AGBL1: variants seen among roughly 807,000 people sequenced by gnomAD.
AGBL1 encodes the protein cytosolic carboxypeptidase 4.
Under a neutral mutation model 118.9 loss-of-function variants are expected in AGBL1, and 130 were observed. The ratio of observed to expected loss-of-function variants is 1.09; its 90% CI spans 0.95 to 1.26. The LOEUF (loss-of-function observed/expected upper bound fraction) is 1.26, where lower values mean the gene tolerates loss of function less well. AGBL1 is among the 50% of genes most tolerant of loss of function. The probability of loss-of-function intolerance (pLI) is 0.00; values close to 1 mark genes in which losing one functional copy is unlikely to be tolerated. For synonymous variants in AGBL1, 555 were observed against 478.9 expected (o/e 1.16, Z -2.08); for missense variants, 1,584 against 1,298.1 (o/e 1.22, Z -3.38).
At chr15:86,851,700 T>C (rs2079408943) in intron 22 of AGBL1, among the ~76,000 whole-genome samples, 1 of 152,216 alleles carries the variant, frequency 6.6e-6, no homozygotes, top group South Asian at 2.1e-4. Flanking sequence ...GCATGGGCAG[T>C]AGCAGGAAAG....
At chr15:86,325,205 A>G (rs977221969) in intron 17 of AGBL1, among the ~76,000 whole-genome samples, 1 of 152,230 alleles carries the variant, frequency 6.6e-6, no homozygotes, top group Non-Finnish European at 1.5e-5. Flanking sequence ...AATAGTGTGG[A>G]CAAAAAATAA....
intron 19 of AGBL1, among the ~76,000 whole-genome samples, chr15:86,537,484 T>G (rs1158960617): frequency 6.6e-6 from 1 of 152,192 alleles, no homozygotes; most frequent in African/African-American, 2.4e-5. Flanking sequence ...ATTTAACTCT[T>G]GAGGAATCTT....
chr15:86,347,169 C>T (rs2080550860), intron 17 of AGBL1, among the ~76,000 whole-genome samples: 1 of 152,188 alleles, frequency 6.6e-6, no homozygotes, highest in African/African-American at 2.4e-5. Flanking sequence ...TTTTGTAACT[C>T]TTTTAGCTAG....
chr15:86,238,069 C>T (rs1405093150), intron 6 of AGBL1, among the ~76,000 whole-genome samples: 1 of 152,214 alleles, frequency 6.6e-6, no homozygotes, highest in East Asian at 1.9e-4. Flanking sequence ...ATGCCCCCTC[C>T]TCAAGGGTCT....
chr15:86,669,099 G>A (rs2085696259), intron 21 of AGBL1, among the ~76,000 whole-genome samples: 1 of 150,066 alleles, frequency 6.7e-6, no homozygotes, highest in South Asian at 2.1e-4. Context: ...AGACTTTAAT[G>A]TTAAAAAAAA....
chr15:86,746,306 A>G (rs901644296), intron 22 of AGBL1, among the ~76,000 whole-genome samples: 15 of 152,108 alleles, frequency 9.9e-5, no homozygotes, highest in African/African-American at 3.4e-4. Flanking sequence ...TTATTTCTTC[A>G]AACATGACAT....
chr15:86,352,565 T>A (rs2141903494), intron 17 of AGBL1, among the ~76,000 whole-genome samples: 1 of 152,104 alleles, frequency 6.6e-6, no homozygotes, highest in South Asian at 2.1e-4. Context: ...CACTGCAACC[T>A]CTGCCTCCCG....
intron 1 of AGBL1, among the ~76,000 whole-genome samples, chr15:86,136,322 G>A: frequency 6.6e-6 from 1 of 152,216 alleles, no homozygotes; most frequent in East Asian, 1.9e-4. Flanking sequence ...TTTAATAAAA[G>A]GTATGTACAA....
At chr15:86,850,301 G>A (rs1365457207) in intron 22 of AGBL1, among the ~76,000 whole-genome samples, 1 of 152,162 alleles carries the variant, frequency 6.6e-6, no homozygotes, top group African/African-American at 2.4e-5. Context: ...TTATTAAAAA[G>A]TGTCTGTACA....
At chr15:86,565,829 G>T (rs1436795763) in intron 21 of AGBL1, among the ~76,000 whole-genome samples, 2 of 152,184 alleles carry the variant, frequency 1.3e-5, no homozygotes, top group Non-Finnish European at 2.9e-5. Flanking sequence ...CCTCAGCAAT[G>T]GTGGGTGCCC....
At chr15:86,204,531 C>A (rs2077959894) in intron 5 of AGBL1, among the ~76,000 whole-genome samples, 1 of 147,268 alleles carries the variant, frequency 6.8e-6, no homozygotes, top group Non-Finnish European at 1.5e-5. Context: ...TCCTTCCTTC[C>A]TTTTTTCTCT....
rs28522775 is a variant in AGBL1 at position 86,827,409 on chromosome 15, G to A, written c.3159-79678G>A. The stretch of plus-strand genomic sequence containing the variant: ...CACATATATATATACATATATATAT[G>A]TGTATATATATATATATATACACAT... On this transcript the variant is annotated intron_variant, in intron 22 of 22. Coordinates refer to ENST00000614907, the MANE Select transcript of AGBL1 (RefSeq NM_001386094.1). Among the ~76,000 whole-genome samples, 29 of 5,266 alleles carry A rather than the reference G, an allele frequency of 5.5e-3. 5 individuals carry two copies. Among genetic ancestry groups the A allele is most frequent in the African/African-American group, 0.022 (22 of 986 alleles). The allele number at this position is 5,266 out of a possible 152,430, so 3.5% of individuals were successfully genotyped here. A position where few individuals can be genotyped will look rare whatever the true frequency, so the allele number is the denominator to read the frequency against.
At chr15:86,722,432 G>T (rs1387223388) in intron 22 of AGBL1, among the ~76,000 whole-genome samples, 2 of 152,168 alleles carry the variant, frequency 1.3e-5, no homozygotes, top group Non-Finnish European at 2.9e-5. Flanking sequence ...AATAAATGGT[G>T]CTGGGAAAAC....
At chr15:87,009,081 A>G (rs755936156) in intron 24 of AGBL1, among the ~76,000 whole-genome samples, 3 of 152,220 alleles carry the variant, frequency 2.0e-5, no homozygotes, top group South Asian at 2.1e-4. Context: ...CTGAATATTA[A>G]TCACCAAGAC....
intron 17 of AGBL1, among the ~76,000 whole-genome samples, chr15:86,375,721 G>A (rs1389383858): frequency 6.6e-6 from 1 of 152,186 alleles, no homozygotes; most frequent in Non-Finnish European, 1.5e-5. Context: ...GTAGCCCTTA[G>A]CTGGCCCTAA....
intron 24 of AGBL1, among the ~76,000 whole-genome samples, chr15:86,995,969 T>C (rs2081376536): frequency 6.6e-6 from 1 of 152,198 alleles, no homozygotes; most frequent in Non-Finnish European, 1.5e-5. Context: ...AATCACTTTT[T>C]AGAGATACTC....
intron 6 of AGBL1, among the ~76,000 whole-genome samples, chr15:86,235,703 C>T (rs929231125): frequency 5.3e-5 from 8 of 152,194 alleles, no homozygotes; most frequent in African/African-American, 1.9e-4. Flanking sequence ...TTAATCTTCA[C>T]CATGGTCCTG....
chr15:87,014,546 C>G (rs569555063), intron 24 of AGBL1, among the ~76,000 whole-genome samples: 7 of 152,226 alleles, frequency 4.6e-5, no homozygotes, highest in African/African-American at 1.4e-4. Flanking sequence ...TAAAATGTTT[C>G]TCTACAACAT....
chr15:86,448,162 A>G (rs2082148703), intron 18 of AGBL1, among the ~76,000 whole-genome samples: 1 of 152,206 alleles, frequency 6.6e-6, no homozygotes, highest in Admixed American at 6.5e-5. Flanking sequence ...AAAAATAAGA[A>G]GTATCGAAAC....
Sources: gnomAD v4.1 joint callset for allele counts (sites outside exome capture counted in the v4.1 genomes callset) on GRCh38, gnomAD v4.1.1 for gene constraint, MANE v1.5 for transcripts, NCBI Gene and HGNC (gene_info 2026-07-23, HGNC 2026-07-21) for gene names.